The following CEACAM8 variants were observed in gnomAD, a reference collection of about 807,000 sequenced individuals.
CEACAM8 encodes CEA cell adhesion molecule 8, also known as cell adhesion molecule CEACAM8.
In CEACAM8, 31 loss-of-function variants were observed where a neutral mutation model predicts 33.4. The ratio of observed to expected loss-of-function variants is 0.93; its 90% confidence interval spans 0.70 to 1.25. The LOEUF (loss-of-function observed/expected upper bound fraction) is 1.25, where lower values mean the gene tolerates loss of function less well. CEACAM8 is among the 50% of genes most tolerant of loss of function. The pLI, the probability that CEACAM8 is intolerant of heterozygous loss-of-function variation, is 0.00. For synonymous variants in CEACAM8, 138 were observed against 164.5 expected (o/e 0.84, Z 1.23); for missense variants, 388 against 434.6 (o/e 0.89, Z 0.95).
chr19:42,588,431 A>C (rs193092043), intron 4 of CEACAM8, among the ~76,000 whole-genome samples: 2 of 152,306 alleles, frequency 1.3e-5, no homozygotes, highest in East Asian at 3.9e-4. Context: ...AAGAAAACAA[A>C]GGGGTAACAG....
At position 42,581,180 on chromosome 19, in the gene CEACAM8, C is replaced by CAAAG. The variant is rs2042253450; in HGVS notation, c.*210_*213dup. ...TTCTGTGTTTTGGTGGGCAACTTCA[C>CAAAG]AAAGGTATCAGCCTGTTTGCAAGTT... On this transcript the variant is annotated 3_prime_UTR_variant, in exon 6 of 6. Transcript: ENST00000244336. 1 of 151,764 alleles carries CAAAG rather than the reference C, an allele frequency of 6.6e-6. No individual in the cohort carries two copies. The highest frequency in any genetic ancestry group is 1.5e-5 in the Non-Finnish European group (1 of 67,994). The allele number at this position is 151,764 out of a possible 1,614,324, so 9.4% of individuals were successfully genotyped here. A position where few individuals can be genotyped will look rare whatever the true frequency, so the allele number is the denominator to read the frequency against.
At chr19:42,593,086 A>T (rs1179739074) in intron 2 of CEACAM8, among the ~76,000 whole-genome samples, 1 of 152,186 alleles carries the variant, frequency 6.6e-6, no homozygotes, top group Non-Finnish European at 1.5e-5. Flanking sequence ...GGAGGCTACA[A>T]CCCAGTGCTG....
In CEACAM8 at chr19:42,589,543, G is replaced by C. The variant is rs2042396665; in HGVS notation, c.617C>G (p.Thr206Arg). 1.9e-6 allele frequency: 3 copies of C among 1,614,086 alleles called. No homozygotes were observed. The highest frequency in any genetic ancestry group is 2.7e-5 in the African/African-American group (2 of 74,924). The change falls in exon 3 of 6, where the codon ACA (threonine) becomes AGA (arginine). Residue 206 changes from threonine (T) to arginine (R), a missense_variant. Coordinates refer to ENST00000244336, the MANE Select transcript of CEACAM8 (RefSeq NM_001816.4). ...TTCATAGGGTCCTACGTCATTCCTTGTGACACTGAGTAGAGTGAGGGTCCT... is the reference window on the plus strand; with the variant it reads ...TTCATAGGGTCCTACGTCATTCCTTCTGACACTGAGTAGAGTGAGGGTCCT... Reference protein sequence around the residue: ...GNRTLTLLSVTRNDVGPYECE... With the variant: ...GNRTLTLLSVRRNDVGPYECE...
In CEACAM8 at chr19:42,585,596, C is replaced by T. The variant is rs538020847; in HGVS notation, c.959-2259G>A. On this transcript the variant is annotated intron_variant, in intron 4 of 5. Coordinates refer to ENST00000244336, the MANE Select transcript of CEACAM8 (RefSeq NM_001816.4). ...AAGTATGAATGGAAGGAAACTATCT[C>T]AATATAATAAAGGCAGTATGTGAAA... 2.0e-5 allele frequency among the ~76,000 whole-genome samples: 3 copies of T among 152,220 alleles called. No homozygotes were observed. The East Asian group carries it at 5.8e-4, about 29-fold the overall frequency.
intron 1 of CEACAM8, among the ~76,000 whole-genome samples, chr19:42,594,498 T>C (rs780279390): frequency 3.9e-4 from 60 of 152,218 alleles, no homozygotes; most frequent in East Asian, 1.9e-4. Context: ...TGTCATCTGG[T>C]ATGGTTATTA....
chr19:42,587,046 C>T (rs2042348212), intron 4 of CEACAM8, among the ~76,000 whole-genome samples: 1 of 152,052 alleles, frequency 6.6e-6, no homozygotes, highest in Non-Finnish European at 1.5e-5. Context: ...ATACCTCAAA[C>T]ACATTAGGAT....
Position 42,588,815 on chromosome 19 carries a change from G to C in CEACAM8, c.927C>G (p.Asn309Lys), listed in dbSNP as rs778109697. Residue 309 changes from asparagine to lysine, a missense_variant, in exon 4 of 6, where the codon AAC (asparagine) becomes AAG (lysine). Coordinates refer to ENST00000244336, the MANE Select transcript of CEACAM8 (RefSeq NM_001816.4). The stretch of plus-strand genomic sequence containing the variant: ...CTGTGATCATCCTGACTGTGGTCCT[G>C]TTGCGGCCAGTGGCTGAGTTAGTGG... ...CHTTNSATGR[N>K]RTTVRMITVS... is the part of the protein sequence containing the mutation. The C allele has an allele frequency of 1.5e-5, 24 of 1,614,102 alleles. No individual in the cohort carries two copies. The Admixed American group carries it at 3.8e-4, about 26-fold the overall frequency.
intron 4 of CEACAM8, among the ~76,000 whole-genome samples, chr19:42,585,738 C>T (rs778711560): frequency 2.0e-5 from 3 of 151,980 alleles, no homozygotes; most frequent in Non-Finnish European, 4.4e-5. Context: ...ATTACAAGTC[C>T]TAGCCAGAGA....
chr19:42,593,591 A>G lies in CEACAM8; in HGVS notation c.374T>C (p.Ile125Thr). ...TTCTTCACTCATAAGATTTAGCTTT[A>G]TGACTTGTAGGGTGTAGGATCCTGT... ...NDTGSYTLQVIKLNLMSEEVT... is the reference protein window; with the variant it reads ...NDTGSYTLQVTKLNLMSEEVT... The change falls in exon 2 of 6, where the codon ATA becomes ACA. Residue 125 changes from isoleucine (I) to threonine (T), a missense_variant. Coordinates refer to ENST00000244336, the MANE Select transcript of CEACAM8 (RefSeq NM_001816.4). The G allele has an allele frequency of 6.2e-7, 1 of 1,602,436 alleles. No homozygotes were observed. The highest frequency in any genetic ancestry group is 2.2e-5 in the East Asian group (1 of 44,770).
intron 5 of CEACAM8, among the ~76,000 whole-genome samples, chr19:42,581,920 A>AATATATATATATATATATAT (rs57314008): frequency 6.7e-4 from 17 of 25,310 alleles, no homozygotes; most frequent in African/African-American, 1.8e-3. Context: ...AAAAAAAAAA[A>AATATATATATATATATATAT]ATATATATAT....
chr19:42,589,170 A>G (rs2042388142), intron 3 of CEACAM8, 132 bp from the exon 4 acceptor site: 1 of 1,145,756 alleles, frequency 8.7e-7, no homozygotes, highest in Non-Finnish European at 1.2e-6. Context: ...CCCCAACCAA[A>G]CCCCCGCTGT....
chr19:42,590,709 A>G (rs2147869304), intron 2 of CEACAM8, among the ~76,000 whole-genome samples: 1 of 152,300 alleles, frequency 6.6e-6, no homozygotes, highest in Admixed American at 6.5e-5. Flanking sequence ...TTCCACTTAC[A>G]TGAGGTTCCT....
At chr19:42,592,208 A>G (rs959474567) in intron 2 of CEACAM8, among the ~76,000 whole-genome samples, 1 of 152,132 alleles carries the variant, frequency 6.6e-6, no homozygotes, top group Non-Finnish European at 1.5e-5. Flanking sequence ...GGCTGGAGAG[A>G]GACCTCATGT....
chr19:42,586,715 A>T (rs2042343334), intron 4 of CEACAM8, among the ~76,000 whole-genome samples: 1 of 152,244 alleles, frequency 6.6e-6, no homozygotes, highest in Admixed American at 6.5e-5. Flanking sequence ...CATAGGCAAC[A>T]AAAGAAAAAA....
At chr19:42,587,705 A>G (rs1460862676) in intron 4 of CEACAM8, among the ~76,000 whole-genome samples, 1 of 152,200 alleles carries the variant, frequency 6.6e-6, no homozygotes, top group Non-Finnish European at 1.5e-5. Flanking sequence ...AATTGCACGC[A>G]TAGAAATAGT....
intron 2 of CEACAM8, among the ~76,000 whole-genome samples, chr19:42,589,995 T>A (rs1318455439): frequency 3.3e-5 from 5 of 152,198 alleles, no homozygotes; most frequent in Admixed American, 3.3e-4. Flanking sequence ...GACCCAGGAC[T>A]GGGAGTTACA....
chr19:42,593,634 T>C lies in CEACAM8; in HGVS notation c.331A>G (p.Asn111Asp). Residue 111 changes from asparagine to aspartate, a missense_variant, in exon 2 of 6, where the codon AAC becomes GAC. Coordinates refer to ENST00000244336, the MANE Select transcript of CEACAM8 (RefSeq NM_001816.4). ...GATCCTGTGTCATTTCTGGTGACGTTCCGCATCAGCAGGGATGCATTGGGG... is the reference window on the plus strand; with the variant it reads ...GATCCTGTGTCATTTCTGGTGACGTCCCGCATCAGCAGGGATGCATTGGGG... ...IYPNASLLMR[N>D]VTRNDTGSYT... The C allele has an allele frequency of 4.3e-6, 7 of 1,613,880 alleles. No homozygotes were observed. The highest frequency in any genetic ancestry group is 5.9e-6 in the Non-Finnish European group (7 of 1,179,820).
chr19:42,590,928 T>C (rs535702414), intron 2 of CEACAM8, among the ~76,000 whole-genome samples: 1 of 152,362 alleles, frequency 6.6e-6, no homozygotes, highest in South Asian at 2.1e-4. Flanking sequence ...GTTTTGAATT[T>C]CTAACTTTTA....
intron 4 of CEACAM8, among the ~76,000 whole-genome samples, chr19:42,584,083 AG>A (rs1339137427): frequency 6.6e-6 from 1 of 152,020 alleles, no homozygotes; most frequent in African/African-American, 2.4e-5. Context: ...CTAACATACC[AG>A]GTTTGATTCT....
Sources: allele counts gnomAD v4.1 joint callset (sites outside exome capture counted in the v4.1 genomes callset), GRCh38; gene constraint gnomAD v4.1.1; transcripts MANE v1.5; gene names NCBI Gene and HGNC (gene_info 2026-07-23, HGNC 2026-07-21).